Variants in GLRA1 observed in about 807,000 individuals in gnomAD.
The protein encoded by GLRA1 is glycine receptor subunit alpha-1.
GLRA1 carries 37 observed loss-of-function variants against 48.3 expected under a neutral mutation model. The observed-to-expected ratio is 0.77, with a 90% CI of 0.59 to 1.01. GLRA1 has a LOEUF of 1.01. Ranked by LOEUF, GLRA1 falls within the 50% of genes least tolerant of loss-of-function variation. The pLI, the probability that GLRA1 is intolerant of heterozygous loss-of-function variation, is 0.00. For synonymous variants in GLRA1, 196 were observed against 210.7 expected (o/e 0.93, Z 0.60); for missense variants, 427 against 571.0 (o/e 0.75, Z 2.57).
At chr5:151,873,179 C>T (rs2113381865) in intron 3 of GLRA1, among the ~76,000 whole-genome samples, 1 of 149,494 alleles carries the variant, frequency 6.7e-6, no homozygotes, top group East Asian at 1.9e-4. Flanking sequence ...GACATGGTTC[C>T]CGAAATGGAA....
At chr5:151,856,244 A>G in intron 5 of GLRA1, 57 bp downstream of exon 5, 2 of 1,186,630 alleles carry the variant, frequency 1.7e-6, no homozygotes, top group Non-Finnish European at 2.5e-6. Context: ...ATTTCTGCCT[A>G]TCCCATGGGT....
At chr5:151,910,342 A>G (rs1357704948) in intron 1 of GLRA1, among the ~76,000 whole-genome samples, 1 of 152,246 alleles carries the variant, frequency 6.6e-6, no homozygotes, top group African/African-American at 2.4e-5. Context: ...GTTGTAAAAC[A>G]TTCAAGTATT....
intron 5 of GLRA1, among the ~76,000 whole-genome samples, chr5:151,855,968 G>T (rs1212195050): frequency 6.6e-6 from 1 of 152,128 alleles, no homozygotes; most frequent in African/African-American, 2.4e-5. Flanking sequence ...GCAGTCAGTT[G>T]TTTACCTCCC....
At chr5:151,874,576 A>G (rs1753577141) in intron 3 of GLRA1, among the ~76,000 whole-genome samples, 1 of 152,218 alleles carries the variant, frequency 6.6e-6, no homozygotes, top group South Asian at 2.1e-4. Context: ...GATTGAGGGA[A>G]ACAAGGTCCC....
At chr5:151,885,315 G>T (rs1482240246) in intron 3 of GLRA1, among the ~76,000 whole-genome samples, 1 of 152,210 alleles carries the variant, frequency 6.6e-6, no homozygotes, top group African/African-American at 2.4e-5. Flanking sequence ...AATGAAACAA[G>T]ATACCAGCCC....
chr5:151,901,950 G>A (rs1336510100), intron 1 of GLRA1, among the ~76,000 whole-genome samples: 1 of 152,102 alleles, frequency 6.6e-6, no homozygotes, highest in African/African-American at 2.4e-5. Context: ...TGAAGCCCAT[G>A]GTATTAATCA....
At chr5:151,824,339 A>G (rs958879611) in intron 8 of GLRA1, among the ~76,000 whole-genome samples, 1 of 151,518 alleles carries the variant, frequency 6.6e-6, no homozygotes, top group Non-Finnish European at 1.5e-5. Flanking sequence ...CACCCAACCC[A>G]TCTGAGTCGT....
chr5:151,883,585 G>A lies in GLRA1; in HGVS notation c.252+3136C>T, dbSNP rs544599725. Among the ~76,000 whole-genome samples, 76 of 152,366 alleles carry A rather than the reference G, an allele frequency of 5.0e-4. 3 individuals are homozygous for A. The highest frequency in any genetic ancestry group is 1.9e-4 in the East Asian group (1 of 5,192). On this transcript the variant is annotated intron_variant, in intron 3 of 8. Coordinates refer to ENST00000274576, the MANE Select transcript of GLRA1 (RefSeq NM_000171.4). ...GTGGTTGTAAGACTACACACGTGGTGAAGGAATCACGTGAGAGCATGAATG... is the reference window on the plus strand; with the variant it reads ...GTGGTTGTAAGACTACACACGTGGTAAAGGAATCACGTGAGAGCATGAATG...
At chr5:151,874,723 G>T (rs917510513) in intron 3 of GLRA1, among the ~76,000 whole-genome samples, 3 of 152,294 alleles carry the variant, frequency 2.0e-5, no homozygotes, top group African/African-American at 4.8e-5. Context: ...AGGTAGGGGG[G>T]TGGAGAAGGA....
At chr5:151,892,951 T>A (rs1754118628) in intron 1 of GLRA1, among the ~76,000 whole-genome samples, 1 of 152,216 alleles carries the variant, frequency 6.6e-6, no homozygotes, top group African/African-American at 2.4e-5. Flanking sequence ...TTATCAGGCA[T>A]TTTTACCTCA....
chr5:151,859,859 G>T lies in GLRA1; in HGVS notation c.402C>A (p.Ala134=). 1 of 1,614,074 alleles carries T rather than the reference G, an allele frequency of 6.2e-7. No homozygotes were observed. Among genetic ancestry groups the T allele is most frequent in the Non-Finnish European group, 8.5e-7 (1 of 1,179,980 alleles). Reference sequence around the variant, plus strand: ...TGTCTGTGGTGATCTCATGGAAGTGGGCCCCCTTCTCGTTGGCAAAGAACA... The same window carrying T: ...TGTCTGTGGTGATCTCATGGAAGTGTGCCCCCTTCTCGTTGGCAAAGAACA... The part of the protein sequence containing the change: ...PDLFFANEKG[A]HFHEITTDNK... Residue 134 remains alanine (A), a synonymous_variant, in exon 4 of 9, where the codon GCC becomes GCA. Transcript: ENST00000274576.
At chr5:151,858,088 T>A (rs990445451) in intron 4 of GLRA1, among the ~76,000 whole-genome samples, 1 of 152,284 alleles carries the variant, frequency 6.6e-6, no homozygotes, top group East Asian at 1.9e-4. Flanking sequence ...AGATACCTAA[T>A]TGGTGGTGTT....
At chr5:151,859,186 T>C (rs1420378709) in intron 4 of GLRA1, among the ~76,000 whole-genome samples, 1 of 152,242 alleles carries the variant, frequency 6.6e-6, no homozygotes, top group African/African-American at 2.4e-5. Flanking sequence ...CTCTTGGACA[T>C]TGGTCATTTT....
At chr5:151,838,076 T>C (rs1489479006) in intron 7 of GLRA1, among the ~76,000 whole-genome samples, 1 of 152,204 alleles carries the variant, frequency 6.6e-6, no homozygotes, top group Non-Finnish European at 1.5e-5. Flanking sequence ...CTGGACTTAA[T>C]AGACAAAGAC....
chr5:151,920,659 G>A (rs769964479), intron 1 of GLRA1, among the ~76,000 whole-genome samples: 78 of 151,932 alleles, frequency 5.1e-4, no homozygotes, highest in Non-Finnish European at 7.2e-4. Context: ...TTAATATAAG[G>A]TACTTAATAT....
intron 7 of GLRA1, among the ~76,000 whole-genome samples, chr5:151,845,473 A>G (rs1185108728): frequency 1.3e-5 from 2 of 152,244 alleles, no homozygotes; most frequent in African/African-American, 4.8e-5. Context: ...CACATGAAAC[A>G]ATGCTCAGCA....
chr5:151,913,417 G>A (rs1754663769), intron 1 of GLRA1, among the ~76,000 whole-genome samples: 2 of 152,184 alleles, frequency 1.3e-5, no homozygotes, highest in East Asian at 3.8e-4. Flanking sequence ...ACTTATGGAT[G>A]TACTGCTTAT....
At chr5:151,845,052 G>A (rs1167183304) in intron 7 of GLRA1, among the ~76,000 whole-genome samples, 1 of 152,084 alleles carries the variant, frequency 6.6e-6, no homozygotes, top group Non-Finnish European at 1.5e-5. Flanking sequence ...TTTATTTTAA[G>A]TCTTGGGATA....
At chr5:151,830,838 A>G (rs755901166) in intron 7 of GLRA1, among the ~76,000 whole-genome samples, 8 of 152,260 alleles carry the variant, frequency 5.3e-5, no homozygotes, top group Non-Finnish European at 8.8e-5. Flanking sequence ...TATTATTAAA[A>G]TGTCCAAACT....
Sources: gnomAD v4.1 joint callset for allele counts (sites outside exome capture counted in the v4.1 genomes callset) on GRCh38, gnomAD v4.1.1 for gene constraint, MANE v1.5 for transcripts, NCBI Gene and HGNC (gene_info 2026-07-23, HGNC 2026-07-21) for gene names.